The following CYBRD1 variants were observed in gnomAD, a reference collection of about 807,000 sequenced individuals.
The protein encoded by CYBRD1 is cytochrome b reductase 1, also known as plasma membrane ascorbate-dependent reductase CYBRD1.
CYBRD1 carries 14 observed loss-of-function variants against 21.9 expected under a neutral mutation model. That is an observed-to-expected ratio of 0.64 (90% confidence interval 0.42 to 1.00). CYBRD1 has a LOEUF of 1.00. Ranked by LOEUF, CYBRD1 falls within the 50% of genes least tolerant of loss-of-function variation. CYBRD1 has a pLI of 0.00. For synonymous variants in CYBRD1, 146 were observed against 136.5 expected (o/e 1.07, Z -0.48); for missense variants, 328 against 352.5 (o/e 0.93, Z 0.56).
chr2:171,525,190 G>A (rs1697366914), intron 1 of CYBRD1, among the ~76,000 whole-genome samples: 2 of 152,062 alleles, frequency 1.3e-5, no homozygotes, highest in African/African-American at 4.8e-5. Flanking sequence ...CGCCTACCTC[G>A]GCCCCCCAGA....
Position 171,551,629 on chromosome 2 carries a change from G to A in CYBRD1, c.403-1717G>A, listed in dbSNP as rs180998563. On this transcript the variant is annotated intron_variant, in intron 2 of 3. Transcript: ENST00000321348. The stretch of plus-strand genomic sequence containing the variant: ...TAATCTATAGATGAATTTGAGAACC[G>A]ACATCTGTATAATACAAGTCTTCCA... 4.3e-4 allele frequency among the ~76,000 whole-genome samples: 65 copies of A among 152,180 alleles called. 1 individual carries two copies. The East Asian group carries it at 5.2e-3, about 12-fold the overall frequency.
intron 2 of CYBRD1, among the ~76,000 whole-genome samples, chr2:171,548,843 G>T (rs934984801): frequency 6.6e-6 from 1 of 151,682 alleles, no homozygotes; most frequent in Non-Finnish European, 1.5e-5. Flanking sequence ...GGTGGCTCAC[G>T]CCTGTAATCC....
At chr2:171,542,068 T>A (rs1184530689) in intron 2 of CYBRD1, among the ~76,000 whole-genome samples, 1 of 151,962 alleles carries the variant, frequency 6.6e-6, no homozygotes, top group African/African-American at 2.4e-5. Context: ...TTCACCATGT[T>A]GGCCAGGCTA....
At chr2:171,527,615 T>C (rs116388067) in intron 1 of CYBRD1, among the ~76,000 whole-genome samples, 5,917 of 152,292 alleles carry the variant, frequency 0.039, 363 homozygotes, top group African/African-American at 0.13. Flanking sequence ...ATCTTTATTC[T>C]GAGGCCTCTA....
At chr2:171,550,955 T>A in intron 2 of CYBRD1, 1 of 196,806 alleles carries the variant, frequency 5.1e-6, no homozygotes, top group Non-Finnish European at 1.0e-5. Flanking sequence ...TTCTTTTCCT[T>A]TCTTTTCTTT....
At chr2:171,533,770 CTTTT>C (rs10707105) in intron 1 of CYBRD1, among the ~76,000 whole-genome samples, 6 of 130,710 alleles carry the variant, frequency 4.6e-5, no homozygotes, top group Non-Finnish European at 8.1e-5. Context: ...TTCTTTCTTT[CTTTT>C]TTTTTTTTTT....
chr2:171,535,888 C>A (rs1397061853), intron 1 of CYBRD1, among the ~76,000 whole-genome samples: 1 of 152,170 alleles, frequency 6.6e-6, no homozygotes, highest in Admixed American at 6.5e-5. Context: ...AGTCTACCCA[C>A]TTTGACTTCC....
intron 2 of CYBRD1, among the ~76,000 whole-genome samples, chr2:171,547,468 T>G (rs148389903): frequency 6.6e-6 from 1 of 151,302 alleles, no homozygotes; most frequent in African/African-American, 2.4e-5. Flanking sequence ...TTCTGCTTTT[T>G]ATTGTGAGAA....
intron 1 of CYBRD1, among the ~76,000 whole-genome samples, chr2:171,530,165 T>C (rs899784897): frequency 8.5e-5 from 13 of 152,190 alleles, no homozygotes; most frequent in African/African-American, 3.1e-4. Flanking sequence ...TGGCATGGCT[T>C]CTCCCTCAGG....
chr2:171,522,728 C>A lies in CYBRD1; in HGVS notation c.183C>A (p.Ile61=), dbSNP rs1377746498. The change falls in exon 1 of 4, where the codon ATC becomes ATA. Residue 61 remains isoleucine (I), a synonymous_variant. Coordinates refer to ENST00000321348, the MANE Select transcript of CYBRD1 (RefSeq NM_024843.4). The surrounding 1 kb of genome is among the most constrained non-coding windows in gnomAD (Gnocchi z 4.3). ...TCATGGTCACCGGCTTCGTCTTCATCCAGGGCATCGGTACTGGCACCTCCT... is the reference window on the plus strand; with the variant it reads ...TCATGGTCACCGGCTTCGTCTTCATACAGGGCATCGGTACTGGCACCTCCT... ...PVLMVTGFVF[I]QGIAIIVYRL... The A allele has an allele frequency of 6.2e-7, 1 of 1,613,306 alleles. No individual in the cohort carries two copies. Among genetic ancestry groups the A allele is most frequent in the African/African-American group, 1.3e-5 (1 of 74,892 alleles).
At chr2:171,545,138 CA>C (rs761208882) in intron 2 of CYBRD1, among the ~76,000 whole-genome samples, 11,255 of 68,812 alleles carry the variant, frequency 0.16, 377 homozygotes, top group Middle Eastern at 0.27. Context: ...GACCCTGTCT[CA>C]AAAAAAAAAA....
intron 2 of CYBRD1, among the ~76,000 whole-genome samples, chr2:171,542,355 T>A (rs1039349372): frequency 6.6e-6 from 1 of 152,106 alleles, no homozygotes; most frequent in African/African-American, 2.4e-5. Flanking sequence ...ATATGTAAAA[T>A]TAAGAAATAT....
At chr2:171,542,881 C>CA (rs971669924) in intron 2 of CYBRD1, among the ~76,000 whole-genome samples, 21 of 151,464 alleles carry the variant, frequency 1.4e-4, no homozygotes, top group African/African-American at 5.1e-4. Flanking sequence ...ACCCTGATCT[C>CA]AAAAAAATAA....
intron 3 of CYBRD1, 104 bp from the exon 4 acceptor site, chr2:171,554,420 C>A: frequency 8.9e-7 from 1 of 1,119,064 alleles, no homozygotes; most frequent in Non-Finnish European, 1.3e-6. Context: ...TGAGAGTTTA[C>A]ATTGAAACTG....
chr2:171,551,590 A>G (rs913271455), intron 2 of CYBRD1, among the ~76,000 whole-genome samples: 18 of 152,190 alleles, frequency 1.2e-4, no homozygotes, highest in East Asian at 1.9e-4. Flanking sequence ...CCAAAAATCT[A>G]TTAGGATTTT....
intron 1 of CYBRD1, among the ~76,000 whole-genome samples, chr2:171,531,130 T>A (rs1178500019): frequency 5.0e-5 from 6 of 119,222 alleles, no homozygotes; most frequent in Non-Finnish European, 6.6e-5. Flanking sequence ...CACTCCAGCC[T>A]GGGGACAGAA....
At position 171,554,859 on chromosome 2, in the gene CYBRD1, C is replaced by T. The variant is rs978516990; in HGVS notation, c.*32C>T. 5 of 1,607,616 alleles carry T rather than the reference C, an allele frequency of 3.1e-6. No individual in the cohort carries two copies. The highest frequency in any genetic ancestry group is 2.7e-5 in the African/African-American group (2 of 74,706). The stretch of plus-strand genomic sequence containing the variant: ...GTAGAGATAGAGCCATATAACGTCA[C>T]GTTTCAAAACTAGCTCTACAGTTTT... On this transcript the variant is annotated 3_prime_UTR_variant, in exon 4 of 4. Coordinates refer to ENST00000321348, the MANE Select transcript of CYBRD1 (RefSeq NM_024843.4).
upstream of CYBRD1, chr2:171,522,337 G>A (rs1574428572): frequency 6.6e-7 from 1 of 1,519,582 alleles, no homozygotes; most frequent in Non-Finnish European, 8.8e-7. The surrounding 1 kb of genome is among the most constrained non-coding windows in gnomAD (Gnocchi z 4.3). Flanking sequence ...GCGTGATCCC[G>A]GGGGTGGGGC....
intron 2 of CYBRD1, among the ~76,000 whole-genome samples, chr2:171,542,474 A>T (rs1697649322): frequency 6.6e-6 from 1 of 152,126 alleles, no homozygotes; most frequent in Non-Finnish European, 1.5e-5. Context: ...ACATAGGGAG[A>T]CTGTCTCTAC....
Sources: gnomAD v4.1 joint callset for allele counts (sites outside exome capture counted in the v4.1 genomes callset) on GRCh38, gnomAD v4.1.1 for gene constraint, Gnocchi (gnomAD v3.1) non-coding constraint, MANE v1.5 for transcripts, NCBI Gene and HGNC (gene_info 2026-07-23, HGNC 2026-07-21) for gene names.